DNAH5: variants seen among roughly 807,000 people sequenced by gnomAD.
The protein encoded by DNAH5 is dynein axonemal heavy chain 5.
Under a neutral mutation model 518.2 loss-of-function variants are expected in DNAH5, and 372 were observed. That is an observed-to-expected ratio of 0.72 (90% CI 0.66 to 0.78). The LOEUF (loss-of-function observed/expected upper bound fraction) is 0.78. Ranked by LOEUF, DNAH5 falls within the 30% of genes least tolerant of loss-of-function variation. The pLI is 0.00. For synonymous variants in DNAH5, 2,039 were observed against 2,025.9 expected, an observed-to-expected ratio of 1.01 and a Z score of -0.17; for missense variants, 5,523 against 5,687.0, an observed-to-expected ratio of 0.97 and a Z score of 0.93.
chr5:13,875,206 G>C lies in DNAH5; in HGVS notation c.3396+1478C>G, dbSNP rs530502551. ...ACAGAGGCCGGGCACGGTGGCTCAC[G>C]ACTGTAATCCCAGCACTTTGGGAGG... On this transcript the variant is annotated intron_variant, in intron 22 of 78. Transcript: ENST00000265104. 3.3e-5 allele frequency among the ~76,000 whole-genome samples: 5 copies of C among 152,216 alleles called. No homozygotes were observed. The East Asian group carries it at 9.6e-4, about 29-fold the overall frequency.
intron 7 of DNAH5, among the ~76,000 whole-genome samples, chr5:13,918,503 T>C (rs965877951): frequency 6.6e-6 from 1 of 152,156 alleles, no homozygotes; most frequent in African/African-American, 2.4e-5. Context: ...AGAGTCTCAC[T>C]CTGTCACCCA....
Position 13,776,625 on chromosome 5 carries a change from A to G in DNAH5, c.9187T>C (p.Cys3063Arg). 6.2e-7 allele frequency: 1 copy of G among 1,613,884 alleles called. No individual in the cohort carries two copies. The highest frequency in any genetic ancestry group is 2.2e-5 in the East Asian group (1 of 44,878). Residue 3063 changes from cysteine (C) to arginine (R), a missense_variant, in exon 55 of 79, where the codon TGC (cysteine) becomes CGC (arginine). By Grantham distance (180) the Cys-to-Arg change is radical. Transcript: ENST00000265104. Reference sequence around the variant, plus strand: ...TGCAGGTTCTCATTGGTAGGAAGGCACCTGGGGAATTCTTTTTTCATGACT... The same window carrying G: ...TGCAGGTTCTCATTGGTAGGAAGGCGCCTGGGGAATTCTTTTTTCATGACT... ...ASVMKKEFPR[C>R]LPTNENLHDY...
intron 47 of DNAH5, among the ~76,000 whole-genome samples, chr5:13,804,594 A>G (rs1759282931): frequency 6.6e-6 from 1 of 152,224 alleles, no homozygotes; most frequent in Admixed American, 6.5e-5. Context: ...GAAATCCCTG[A>G]TGCTCCACAG....
chr5:13,867,028 G>C lies in DNAH5; in HGVS notation c.4053+746C>G, dbSNP rs533609098. 3.6e-4 allele frequency among the ~76,000 whole-genome samples: 55 copies of C among 152,276 alleles called. 1 individual carries two copies. In the South Asian group the frequency reaches 8.3e-3, roughly 23 times the overall value. On this transcript the variant is annotated intron_variant, in intron 25 of 78. Coordinates refer to ENST00000265104, the MANE Select transcript of DNAH5 (RefSeq NM_001369.3). ...AAGGACAGCGCCCGGCAATTGCTGA[G>C]CTCTGTGTTATTTGTGTAACCAAGG...
At chr5:13,756,937 A>T (rs1420228031) in intron 61 of DNAH5, among the ~76,000 whole-genome samples, 1 of 152,146 alleles carries the variant, frequency 6.6e-6, no homozygotes, top group East Asian at 1.9e-4. Flanking sequence ...GCTCCCACTT[A>T]TAAGTGAAAA....
chr5:13,900,894 T>C (rs1330188209), intron 14 of DNAH5: 1 of 332,112 alleles, frequency 3.0e-6, no homozygotes, highest in African/African-American at 2.1e-5. Context: ...CAAAAGAAAA[T>C]TTGAAACTTT....
At chr5:13,921,478 CA>C (rs1482866549) in intron 5 of DNAH5, among the ~76,000 whole-genome samples, 3 of 19,124 alleles carry the variant, frequency 1.6e-4, no homozygotes, top group Admixed American at 5.3e-4. Flanking sequence ...CTCTCTCTCA[CA>C]CACACACACA....
At chr5:13,764,409 A>G (rs1017450071) in intron 59 of DNAH5, among the ~76,000 whole-genome samples, 1 of 151,940 alleles carries the variant, frequency 6.6e-6, no homozygotes, top group African/African-American at 2.4e-5. Flanking sequence ...ACAAAGTAAT[A>G]AAAAAAATTA....
intron 1 of DNAH5, among the ~76,000 whole-genome samples, chr5:13,972,248 T>G (rs1366221250): frequency 6.6e-6 from 1 of 152,156 alleles, no homozygotes; most frequent in African/African-American, 2.4e-5. Flanking sequence ...CAAGCCTCCC[T>G]GTTGAGAAAG....
chr5:13,951,037 G>A (rs1379200078), intron 1 of DNAH5, among the ~76,000 whole-genome samples: 1 of 151,996 alleles, frequency 6.6e-6, no homozygotes, highest in African/African-American at 2.4e-5. Context: ...GATGCTTCTT[G>A]CTTTATGAAA....
chr5:13,864,971 A>G (rs1229717257), intron 27 of DNAH5, among the ~76,000 whole-genome samples: 2 of 151,216 alleles, frequency 1.3e-5, no homozygotes, highest in South Asian at 2.1e-4. Context: ...AGCAAAGTGT[A>G]TCAGGCTGTG....
rs762313659 is a variant in DNAH5, at chr5:13,928,184, A to C, written c.193-6T>G. The C allele has an allele frequency of 1.4e-5, 23 of 1,603,934 alleles. No individual in the cohort carries two copies. Among genetic ancestry groups the C allele is most frequent in the East Asian group, 8.9e-5 (4 of 44,818 alleles). ...AGTTGATCAATTCTTTCAATCTGGG[A>C]AAAAGAAAAAGGCAAGATAATGATT... On this transcript the variant is annotated splice_region_variant and splice_polypyrimidine_tract_variant and intron_variant, in intron 2 of 78. Transcript: ENST00000265104.
At chr5:14,001,017 T>C (rs1329208978) in intron 1 of DNAH5, among the ~76,000 whole-genome samples, 1 of 152,172 alleles carries the variant, frequency 6.6e-6, no homozygotes, top group Non-Finnish European at 1.5e-5. Flanking sequence ...CTGGAGGCCA[T>C]TATCCTAAGC....
chr5:13,910,280 C>A (rs1360410230), intron 12 of DNAH5, among the ~76,000 whole-genome samples: 1 of 152,204 alleles, frequency 6.6e-6, no homozygotes, highest in African/African-American at 2.4e-5. Flanking sequence ...CACTTCCCCT[C>A]ACAGTGAAGT....
At chr5:13,839,105 A>G (rs1001083707) in intron 35 of DNAH5, among the ~76,000 whole-genome samples, 1 of 152,184 alleles carries the variant, frequency 6.6e-6, no homozygotes, top group African/African-American at 2.4e-5. Context: ...TTTCTTGCCC[A>G]TTCTCTGTCC....
intron 74 of DNAH5, among the ~76,000 whole-genome samples, 187 bp downstream of exon 74, chr5:13,716,300 G>A (rs964466725): frequency 9.9e-5 from 15 of 152,106 alleles, no homozygotes; most frequent in African/African-American, 2.9e-4. Flanking sequence ...CACACACTCA[G>A]AACAAATATA....
At chr5:13,735,549 C>T (rs2126609049) in intron 67 of DNAH5, among the ~76,000 whole-genome samples, 1 of 152,318 alleles carries the variant, frequency 6.6e-6, no homozygotes, top group Non-Finnish European at 1.5e-5. Flanking sequence ...GGCATCATCA[C>T]TCACAACGAT....
chr5:13,823,665 A>C (rs1762525102), intron 39 of DNAH5, among the ~76,000 whole-genome samples: 1 of 152,230 alleles, frequency 6.6e-6, no homozygotes, highest in African/African-American at 2.4e-5. Context: ...TATAGTCTAC[A>C]ATTTTTAATT....
chr5:13,866,527 T>G (rs1196822047), intron 25 of DNAH5, among the ~76,000 whole-genome samples: 1 of 152,218 alleles, frequency 6.6e-6, no homozygotes, highest in African/African-American at 2.4e-5. Flanking sequence ...TATGTATTAT[T>G]CATTTCTTAG....
Sources: gnomAD v4.1 joint callset for allele counts (sites outside exome capture counted in the v4.1 genomes callset) on GRCh38, gnomAD v4.1.1 for gene constraint, MANE v1.5 for transcripts, NCBI Gene and HGNC (gene_info 2026-07-23, HGNC 2026-07-21) for gene names.